The following ARB2A variants were observed in gnomAD, a reference collection of about 807,000 sequenced individuals.
ARB2A encodes the protein ARB2 cotranscriptional regulator A.
At chr5:93,955,129 C>T in the ARB2A span, among the ~76,000 whole-genome samples, 3 of 152,242 alleles carry the variant, frequency 2.0e-5, 1 homozygote, top group South Asian at 6.2e-4. Flanking sequence ...TGTGACTGCT[C>T]ACCGGATTTT....
chr5:93,851,404 T>C, the ARB2A span, among the ~76,000 whole-genome samples: 2 of 152,206 alleles, frequency 1.3e-5, no homozygotes, highest in South Asian at 4.1e-4. Context: ...ATTTCAGTTC[T>C]CATAGAGATA....
chr5:93,742,077 C>T, the ARB2A span, among the ~76,000 whole-genome samples: 514 of 152,232 alleles, frequency 3.4e-3, 4 homozygotes, highest in African/African-American at 0.012. Context: ...ATCCCCAGTC[C>T]CTGTGCCCTA....
the ARB2A span, among the ~76,000 whole-genome samples, chr5:93,985,638 T>C: frequency 1.3e-5 from 2 of 152,242 alleles, no homozygotes; most frequent in African/African-American, 2.4e-5. Flanking sequence ...TTGGCCGGGC[T>C]GGTCTCCTGC....
At chr5:93,623,106 T>C in the ARB2A span, among the ~76,000 whole-genome samples, 1 of 152,178 alleles carries the variant, frequency 6.6e-6, no homozygotes, top group Non-Finnish European at 1.5e-5. Context: ...CTCTATTCTA[T>C]AGTGTTTGCA....
the ARB2A span, among the ~76,000 whole-genome samples, chr5:93,706,439 T>C: frequency 6.6e-6 from 1 of 152,296 alleles, no homozygotes; most frequent in East Asian, 1.9e-4. Flanking sequence ...AAGTTTCTTT[T>C]TGGAGTGATG....
At chr5:93,682,812 T>G in the ARB2A span, 7 of 1,209,582 alleles carry the variant, frequency 5.8e-6, no homozygotes, top group Admixed American at 1.2e-4. Context: ...CGGAAAATTT[T>G]TAACAAATTG....
chr5:93,619,467 AT>A, the ARB2A span: 1 of 152,206 alleles, frequency 6.6e-6, no homozygotes, highest in South Asian at 2.1e-4. Context: ...ATATAAAAAC[AT>A]TTAAGCACGA....
chr5:93,964,734 AG>A, the ARB2A span, among the ~76,000 whole-genome samples: 1 of 152,048 alleles, frequency 6.6e-6, no homozygotes, highest in Admixed American at 6.6e-5. Flanking sequence ...ATTAAGGATT[AG>A]GAACAATTAA....
chr5:93,824,704 T>A, the ARB2A span, among the ~76,000 whole-genome samples: 3 of 152,194 alleles, frequency 2.0e-5, no homozygotes, highest in African/African-American at 7.2e-5. Context: ...AAATCAGGAC[T>A]GCAACGTGGA....
At chr5:94,071,428 C>T in the ARB2A span, among the ~76,000 whole-genome samples, 18 of 151,850 alleles carry the variant, frequency 1.2e-4, no homozygotes, top group African/African-American at 2.7e-4. Context: ...GTTTGCCCTA[C>T]GAAAGACCTG....
At chr5:93,683,334 C>A in the ARB2A span, 1 of 1,604,172 alleles carries the variant, frequency 6.2e-7, no homozygotes, top group Non-Finnish European at 8.5e-7. Context: ...TCCTCCTCCT[C>A]TTCATCTTCT....
the ARB2A span, among the ~76,000 whole-genome samples, chr5:93,774,545 T>C: frequency 6.6e-6 from 1 of 152,232 alleles, no homozygotes; most frequent in African/African-American, 2.4e-5. Context: ...TTCTGCCTTC[T>C]TGTTTCAGTT....
At chr5:93,789,321 C>G in the ARB2A span, among the ~76,000 whole-genome samples, 14 of 152,154 alleles carry the variant, frequency 9.2e-5, no homozygotes, top group African/African-American at 3.4e-4. Context: ...AGGATCATTA[C>G]TACCGTATGA....
chr5:94,004,998 C>CAAAAAAAAAAAAA, the ARB2A span, among the ~76,000 whole-genome samples: 81 of 12,516 alleles, frequency 6.5e-3, 14 homozygotes, highest in South Asian at 0.029. Context: ...ATTTTATCAG[C>CAAAAAAAAAAAAA]AAAAAAAAAA....
the ARB2A span, among the ~76,000 whole-genome samples, chr5:93,674,204 C>T: frequency 6.6e-6 from 1 of 152,170 alleles, no homozygotes; most frequent in Admixed American, 6.5e-5. Flanking sequence ...CTGATCGTAG[C>T]CCCATATGGC....
At chr5:93,815,105 A>C in the ARB2A span, among the ~76,000 whole-genome samples, 1 of 152,174 alleles carries the variant, frequency 6.6e-6, no homozygotes, top group East Asian at 1.9e-4. Flanking sequence ...AGCCTCCCAA[A>C]GAATTGGGAT....
At chr5:93,999,751 T>C in the ARB2A span, among the ~76,000 whole-genome samples, 1 of 152,046 alleles carries the variant, frequency 6.6e-6, no homozygotes, top group African/African-American at 2.4e-5. Context: ...GACAAATATA[T>C]AATGACATGT....
At chr5:93,762,426 C>T in the ARB2A span, among the ~76,000 whole-genome samples, 22 of 152,210 alleles carry the variant, frequency 1.4e-4, no homozygotes, top group African/African-American at 2.4e-4. Context: ...GTAGTCAATT[C>T]GATCAACTGG....
the ARB2A span, among the ~76,000 whole-genome samples, chr5:94,024,267 C>A: frequency 6.6e-6 from 1 of 151,964 alleles, no homozygotes; most frequent in Non-Finnish European, 1.5e-5. Flanking sequence ...CAGTTAAAGG[C>A]CTTAGCAAAA....
Sources: gnomAD v4.1 joint callset for allele counts (sites outside exome capture counted in the v4.1 genomes callset) on GRCh38, gnomAD v4.1.1 for gene constraint, MANE v1.5 for transcripts, NCBI Gene and HGNC (gene_info 2026-07-23, HGNC 2026-07-21) for gene names.